The following CLOCK variants were observed in gnomAD, a reference collection of about 807,000 sequenced individuals.
CLOCK encodes clock circadian regulator.
In CLOCK, 43 loss-of-function variants were observed where a neutral mutation model predicts 118.4. That is an observed-to-expected ratio of 0.36 (90% confidence interval 0.28 to 0.47). CLOCK has a LOEUF of 0.47. Ranked by LOEUF, CLOCK falls within the 20% of genes least tolerant of loss-of-function variation. CLOCK has a pLI of 1.00. For missense variants in CLOCK, 846 were observed against 999.9 expected, an observed-to-expected ratio of 0.85 and a Z score of 2.08; for synonymous variants, 326 against 339.2, an observed-to-expected ratio of 0.96 and a Z score of 0.43.
intron 2 of CLOCK, among the ~76,000 whole-genome samples, chr4:55,490,421 A>G (rs1317030252): frequency 6.6e-6 from 1 of 152,128 alleles, no homozygotes; most frequent in African/African-American, 2.4e-5. Flanking sequence ...TAGTAGCAGG[A>G]GATGTCAATA....
chr4:55,436,078 T>G (rs767236947), intron 22 of CLOCK, among the ~76,000 whole-genome samples: 28 of 152,186 alleles, frequency 1.8e-4, no homozygotes, highest in Non-Finnish European at 2.4e-4. Context: ...TGGGCTGCCC[T>G]ACTTACCACA....
intron 2 of CLOCK, among the ~76,000 whole-genome samples, chr4:55,491,706 A>G (rs920568057): frequency 2.0e-5 from 3 of 152,152 alleles, no homozygotes; most frequent in Non-Finnish European, 4.4e-5. Flanking sequence ...ATGTTCATTG[A>G]CAGTACAATG....
Position 55,449,346 on chromosome 4 carries a change from T to C in CLOCK, c.1449+50A>G, listed in dbSNP as rs760431512. On this transcript the variant is annotated intron_variant, in intron 17 of 22. Coordinates refer to ENST00000513440, the MANE Select transcript of CLOCK (RefSeq NM_004898.4). ...AATTTCTGAAGATTTAGATCATTTT[T>C]CCCCTCTTAATAAATCTTTATTCAG... The C allele has an allele frequency of 4.8e-6, 7 of 1,465,392 alleles. No homozygotes were observed. The Admixed American group carries it at 8.4e-5, about 18-fold the overall frequency. 90.8% of individuals were successfully genotyped at this position (1,465,392 alleles called of 1,614,324 possible).
chr4:55,450,546 T>C (rs1053025341), intron 15 of CLOCK, among the ~76,000 whole-genome samples: 5 of 152,114 alleles, frequency 3.3e-5, no homozygotes, highest in African/African-American at 1.2e-4. Context: ...AGCAGGCAGA[T>C]CACCTGAGGT....
intron 1 of CLOCK, among the ~76,000 whole-genome samples, chr4:55,513,107 C>G (rs1351906775): frequency 6.6e-6 from 1 of 152,150 alleles, no homozygotes; most frequent in Non-Finnish European, 1.5e-5. Flanking sequence ...TCAATCATCA[C>G]TCACTCACTG....
At chr4:55,527,969 C>T (rs1001859593) in intron 1 of CLOCK, among the ~76,000 whole-genome samples, 6 of 151,708 alleles carry the variant, frequency 4.0e-5, no homozygotes, top group African/African-American at 9.7e-5. Flanking sequence ...GAGTTCAAGG[C>T]TGCAGTGAGC....
chr4:55,517,722 C>T (rs927125969), intron 1 of CLOCK, among the ~76,000 whole-genome samples: 4 of 152,122 alleles, frequency 2.6e-5, no homozygotes, highest in Admixed American at 2.6e-4. Context: ...GTGAAACCAA[C>T]TGGGCCTAGA....
chr4:55,473,992 TTAAG>T (rs1258127006), intron 7 of CLOCK, among the ~76,000 whole-genome samples: 2 of 152,236 alleles, frequency 1.3e-5, no homozygotes, highest in African/African-American at 4.8e-5. Flanking sequence ...ACAATGGCCT[TTAAG>T]TATTCAAGTG....
intron 9 of CLOCK, among the ~76,000 whole-genome samples, chr4:55,462,288 C>A (rs1481041597): frequency 1.3e-5 from 2 of 152,082 alleles, no homozygotes; most frequent in Non-Finnish European, 2.9e-5. Context: ...AGGGTTCCAC[C>A]TTTCTTTCTT....
intron 22 of CLOCK, among the ~76,000 whole-genome samples, chr4:55,436,146 T>C (rs553230922): frequency 8.5e-5 from 13 of 152,248 alleles, no homozygotes; most frequent in East Asian, 1.9e-4. Flanking sequence ...CTTTAGAAAA[T>C]AGGAATAACA....
chr4:55,519,845 T>C (rs1486860677), intron 1 of CLOCK, among the ~76,000 whole-genome samples: 1 of 152,116 alleles, frequency 6.6e-6, no homozygotes, highest in African/African-American at 2.4e-5. Context: ...CTGCACAGTC[T>C]TCAAGCAATG....
At chr4:55,502,060 G>GA in intron 2 of CLOCK, among the ~76,000 whole-genome samples, 1 of 152,312 alleles carries the variant, frequency 6.6e-6, no homozygotes, top group East Asian at 1.9e-4. Flanking sequence ...CGCCCTGAGA[G>GA]AAATTATAAA....
At chr4:55,482,344 T>C (rs975461971) in intron 4 of CLOCK, among the ~76,000 whole-genome samples, 3 of 152,232 alleles carry the variant, frequency 2.0e-5, no homozygotes, top group African/African-American at 7.2e-5. Context: ...TTTTAACTAA[T>C]GAAATCCTAA....
chr4:55,456,106 G>T, intron 12 of CLOCK, 103 bp from the exon 13 acceptor site: 14 of 1,329,044 alleles, frequency 1.1e-5, no homozygotes, highest in African/African-American at 1.5e-5. Flanking sequence ...TTCAAAAAAT[G>T]GGAACAGGTT....
chr4:55,534,336 CAA>C (rs1263088775), intron 1 of CLOCK, among the ~76,000 whole-genome samples: 1 of 151,992 alleles, frequency 6.6e-6, no homozygotes, highest in African/African-American at 2.4e-5. Flanking sequence ...CAAAATCAGA[CAA>C]AGATACCACA....
intron 1 of CLOCK, among the ~76,000 whole-genome samples, chr4:55,537,761 T>C (rs1028027922): frequency 1.1e-4 from 16 of 152,320 alleles, no homozygotes; most frequent in African/African-American, 3.8e-4. Context: ...GATACTGTAC[T>C]GCCTGAGCAG....
At chr4:55,435,681 G>A (rs1434698453) in intron 22 of CLOCK, 87 bp from the exon 23 acceptor site, 2 of 1,371,698 alleles carry the variant, frequency 1.5e-6, no homozygotes, top group Admixed American at 3.4e-5. Flanking sequence ...CTGTCCATAG[G>A]GACAAAATCC....
rs1388556249 is a variant in CLOCK at position 55,428,605 on chromosome 4, C to T, written c.*6810G>A. On this transcript the variant is annotated 3_prime_UTR_variant, in exon 23 of 23. Coordinates refer to ENST00000513440, the MANE Select transcript of CLOCK (RefSeq NM_004898.4). ...ATCAATTAGCCGTTTTTAGCTCCAC[C>T]GTTTTGGAAGTAAAAATGATGAGCT... 6.6e-6 allele frequency: 1 copy of T among 152,070 alleles called. No homozygotes were observed. Among genetic ancestry groups the T allele is most frequent in the Non-Finnish European group, 1.5e-5 (1 of 68,016 alleles). The allele number at this position is 152,070 out of a possible 1,614,324, so 9.4% of individuals were successfully genotyped here. A position where few individuals can be genotyped will look rare whatever the true frequency, so the allele number is the denominator to read the frequency against.
At chr4:55,477,471 A>G (rs1443567078) in intron 6 of CLOCK, among the ~76,000 whole-genome samples, 1 of 152,114 alleles carries the variant, frequency 6.6e-6, no homozygotes, top group East Asian at 1.9e-4. Context: ...GTGCTAAGGA[A>G]GCTGAAAAAA....
Sources: gnomAD v4.1 joint callset for allele counts (sites outside exome capture counted in the v4.1 genomes callset) on GRCh38, gnomAD v4.1.1 for gene constraint, MANE v1.5 for transcripts, NCBI Gene and HGNC (gene_info 2026-07-23, HGNC 2026-07-21) for gene names.